RASGRF2: variants seen among roughly 807,000 people sequenced by gnomAD.
RASGRF2 encodes Ras protein specific guanine nucleotide releasing factor 2.
A neutral mutation model predicts 151.0 loss-of-function variants in RASGRF2; 76 were observed. The ratio of observed to expected loss-of-function variants is 0.50; its 90% CI spans 0.42 to 0.61. The LOEUF is 0.61. RASGRF2 is among the 20% of genes least tolerant of loss of function. The pLI, the probability that RASGRF2 is intolerant of heterozygous loss-of-function variation, is 0.00. For missense variants in RASGRF2, 1,148 were observed against 1,564.6 expected (o/e 0.73, Z 4.49); for synonymous variants, 504 against 566.5 (o/e 0.89, Z 1.57).
At chr5:81,035,013 TA>T (rs1186655800) in intron 1 of RASGRF2, among the ~76,000 whole-genome samples, 1 of 152,154 alleles carries the variant, frequency 6.6e-6, no homozygotes, top group Non-Finnish European at 1.5e-5. Context: ...GAAACACTTT[TA>T]CACTGTTGGT....
intron 17 of RASGRF2, among the ~76,000 whole-genome samples, chr5:81,139,155 G>A (rs1470292152): frequency 2.0e-5 from 3 of 152,072 alleles, no homozygotes; most frequent in Non-Finnish European, 4.4e-5. Context: ...TCTTTTTGGT[G>A]TTATTGTGAA....
intron 24 of RASGRF2, chr5:81,217,024 T>A: frequency 4.5e-6 from 2 of 448,318 alleles, no homozygotes; most frequent in Middle Eastern, 6.5e-4. Context: ...CCTCCAAGCT[T>A]CTACCCCTCA....
chr5:81,034,906 C>T (rs1026732246), intron 1 of RASGRF2, among the ~76,000 whole-genome samples: 1 of 151,476 alleles, frequency 6.6e-6, no homozygotes, highest in African/African-American at 2.4e-5. Context: ...ATGTAACAAA[C>T]CTGCACATTG....
At chr5:80,977,735 G>A (rs956969676) in intron 1 of RASGRF2, among the ~76,000 whole-genome samples, 3 of 152,268 alleles carry the variant, frequency 2.0e-5, no homozygotes, top group South Asian at 4.1e-4. Flanking sequence ...GGGATTATAG[G>A]CGTAAGCCAC....
chr5:81,148,722 G>A (rs939243460), intron 17 of RASGRF2, among the ~76,000 whole-genome samples: 4 of 151,528 alleles, frequency 2.6e-5, no homozygotes, highest in Non-Finnish European at 5.9e-5. Context: ...TACCTAATGC[G>A]AAATGACGAG....
intron 9 of RASGRF2, among the ~76,000 whole-genome samples, chr5:81,089,607 A>C (rs1752334642): frequency 6.6e-6 from 1 of 152,214 alleles, no homozygotes; most frequent in Admixed American, 6.5e-5. Flanking sequence ...ATTGTTTTCT[A>C]AAATCTATTA....
At position 81,089,644 on chromosome 5, in the gene RASGRF2, G is replaced by A. The variant is rs539311751; in HGVS notation, c.1390+2691G>A. 3.9e-5 allele frequency among the ~76,000 whole-genome samples: 6 copies of A among 152,318 alleles called. No individual in the cohort carries two copies. In the South Asian group the frequency reaches 1.2e-3, roughly 32 times the overall value. ...TAGTTTGTTGAATAAATGTGTGAGT[G>A]TCTGAGGCAATGATAGGAAAACAGT... is the stretch of plus-strand genomic sequence containing the variant. On this transcript the variant is annotated intron_variant, in intron 9 of 26. Transcript: ENST00000265080.
At chr5:81,192,014 A>G (rs537220690) in intron 18 of RASGRF2, among the ~76,000 whole-genome samples, 259 of 152,266 alleles carry the variant, frequency 1.7e-3, no homozygotes, top group African/African-American at 5.9e-3. Flanking sequence ...CTCCCACTTC[A>G]CATCTGCTAA....
In RASGRF2 at chr5:81,123,639, C is replaced by G; in HGVS notation, c.2471-3C>G. On this transcript the variant is annotated splice_region_variant and splice_polypyrimidine_tract_variant and intron_variant, in intron 15 of 26. Coordinates refer to ENST00000265080, the MANE Select transcript of RASGRF2 (RefSeq NM_006909.3). Reference sequence around the variant, plus strand: ...TGTTAAAATTCATGATGTTTTCAAGCAGCAGTCCTAGAGTCTGCACCAGCG... The same window carrying G: ...TGTTAAAATTCATGATGTTTTCAAGGAGCAGTCCTAGAGTCTGCACCAGCG... 1.2e-6 allele frequency: 2 copies of G among 1,608,406 alleles called. No individual in the cohort carries two copies. Among genetic ancestry groups the G allele is most frequent in the Non-Finnish European group, 1.7e-6 (2 of 1,177,864 alleles).
chr5:81,029,096 G>C (rs547687935), intron 1 of RASGRF2, among the ~76,000 whole-genome samples: 3 of 152,340 alleles, frequency 2.0e-5, no homozygotes, highest in African/African-American at 7.2e-5. Flanking sequence ...CAGTGAGGCT[G>C]GGGTAGGGGT....
At chr5:81,183,454 TGGTGC>T (rs1478117119) in intron 18 of RASGRF2, 7 of 301,356 alleles carry the variant, frequency 2.3e-5, no homozygotes, top group Non-Finnish European at 2.9e-5. Context: ...CTACCCCATG[TGGTGC>T]TAGGATAGCA....
chr5:81,054,958 A>G (rs1361192617), intron 2 of RASGRF2, among the ~76,000 whole-genome samples: 1 of 152,058 alleles, frequency 6.6e-6, no homozygotes, highest in Non-Finnish European at 1.5e-5. Context: ...AATGCTTGTG[A>G]TTTTTGCACA....
chr5:81,124,637 G>A lies in RASGRF2; in HGVS notation c.2596+870G>A, dbSNP rs113552834. Among the ~76,000 whole-genome samples the A allele has an allele frequency of 3.3e-3, 497 of 152,202 alleles. 4 individuals are homozygous for A. The highest frequency in any genetic ancestry group is 0.011 in the African/African-American group (474 of 41,548). On this transcript the variant is annotated intron_variant, in intron 16 of 26. Transcript: ENST00000265080. ...ATTTTGATATATAGTTAAGAAAATT[G>A]TAAAGCATTACTCCATAATTTGTTT...
chr5:81,004,625 C>A (rs1749203889), intron 1 of RASGRF2, among the ~76,000 whole-genome samples: 1 of 152,208 alleles, frequency 6.6e-6, no homozygotes, highest in Non-Finnish European at 1.5e-5. Context: ...ATGTACTTTT[C>A]CTTAAAGCAC....
chr5:81,114,565 A>G (rs11740703), intron 15 of RASGRF2, among the ~76,000 whole-genome samples: 6,537 of 152,290 alleles, frequency 0.043, 203 homozygotes, highest in Non-Finnish European at 0.059. Context: ...ACTTCCTGTC[A>G]CACTTAGAAT....
At position 81,041,642 on chromosome 5, in the gene RASGRF2, T is replaced by A. The variant is rs376256922; in HGVS notation, c.289-1235T>A. Among the ~76,000 whole-genome samples, 10 of 152,222 alleles carry A rather than the reference T, an allele frequency of 6.6e-5. No individual in the cohort carries two copies. In the East Asian group the frequency reaches 1.9e-3, roughly 29 times the overall value. Reference sequence around the variant, plus strand: ...TAGTAAACTAGCATGAGTTTGGGAGTCTTTGAATCTTGGTTATATGATTAT... The same window carrying A: ...TAGTAAACTAGCATGAGTTTGGGAGACTTTGAATCTTGGTTATATGATTAT... On this transcript the variant is annotated intron_variant, in intron 1 of 26. Transcript: ENST00000265080.
intron 1 of RASGRF2, among the ~76,000 whole-genome samples, chr5:81,005,158 A>T (rs562068086): frequency 2.0e-5 from 3 of 152,140 alleles, no homozygotes; most frequent in Admixed American, 6.6e-5. Context: ...TTAGTGTATT[A>T]TTCTATTCCC....
chr5:81,225,435 C>T (rs111685288), intron 26 of RASGRF2, among the ~76,000 whole-genome samples: 12 of 150,554 alleles, frequency 8.0e-5, no homozygotes, highest in African/African-American at 2.9e-4. Flanking sequence ...TGGGAGAAAA[C>T]AAACCAATTA....
intron 25 of RASGRF2, among the ~76,000 whole-genome samples, chr5:81,217,859 C>T (rs1755777526): frequency 6.6e-6 from 1 of 151,944 alleles, no homozygotes; most frequent in Non-Finnish European, 1.5e-5. Context: ...TCTCCTGCCT[C>T]AGCCTCCCAA....
Sources: gnomAD v4.1 joint callset for allele counts (sites outside exome capture counted in the v4.1 genomes callset) on GRCh38, gnomAD v4.1.1 for gene constraint, MANE v1.5 for transcripts, NCBI Gene and HGNC (gene_info 2026-07-23, HGNC 2026-07-21) for gene names.